The following RXRA variants were observed in gnomAD, a reference collection of about 807,000 sequenced individuals.
RXRA encodes the protein retinoid X receptor alpha.
Under a neutral mutation model 44.5 loss-of-function variants are expected in RXRA, and 5 were observed. That is an observed-to-expected ratio of 0.11 (90% CI 0.06 to 0.24). RXRA has a LOEUF of 0.24. RXRA is among the 10% of genes least tolerant of loss of function. RXRA has a pLI of 1.00. For missense variants in RXRA, 412 were observed against 646.5 expected (o/e 0.64, Z 3.93); for synonymous variants, 291 against 271.4 (o/e 1.07, Z -0.71).
rs1013757422 is a variant in RXRA at position 134,356,844 on chromosome 9, TG to T, written c.28+30186del. Among the ~76,000 whole-genome samples, 3 of 152,180 alleles carry T rather than the reference TG, an allele frequency of 2.0e-5. 1 individual carries two copies. The highest frequency in any genetic ancestry group is 7.2e-5 in the African/African-American group (3 of 41,446). Reference sequence around the variant, plus strand: ...CCCCTGCCCTGCCCCAGCCTCACCCTGCCTGAGGCCCTGCTCAGCCACCACC... The same window carrying T: ...CCCCTGCCCTGCCCCAGCCTCACCCTCCTGAGGCCCTGCTCAGCCACCACC... On this transcript the variant is annotated intron_variant, in intron 1 of 9. Coordinates refer to ENST00000481739, the MANE Select transcript of RXRA (RefSeq NM_002957.6).
chr9:134,399,034 T>C (rs2119136650), intron 1 of RXRA, among the ~76,000 whole-genome samples: 1 of 152,390 alleles, frequency 6.6e-6, no homozygotes, highest in Non-Finnish European at 1.5e-5. Flanking sequence ...CCAGCCCTGG[T>C]CCAGGCTCAG....
At chr9:134,332,168 G>A (rs916884790) in intron 1 of RXRA, among the ~76,000 whole-genome samples, 12 of 152,248 alleles carry the variant, frequency 7.9e-5, no homozygotes, top group Non-Finnish European at 5.9e-5. Context: ...GTGGAAAGCT[G>A]TAGTTGGGTG....
chr9:134,422,046 C>T, intron 6 of RXRA: 1 of 1,350,590 alleles, frequency 7.4e-7, no homozygotes, highest in Non-Finnish European at 9.8e-7. Context: ...TCCCATCTCC[C>T]AGGACGCTCC....
rs1831108132 is a variant in RXRA, at chr9:134,409,241, G to C, written c.610+122G>C. 7 of 1,031,948 alleles carry C rather than the reference G, an allele frequency of 6.8e-6. No homozygotes were observed. In the East Asian group the frequency reaches 1.8e-4, roughly 27 times the overall value. 63.9% of individuals were successfully genotyped at this position (1,031,948 alleles called of 1,614,324 possible). ...AGTGGCCTGGACAGAAGCATGGCAA[G>C]GCCAAGGCAGGAGTGGGGGCGGGGC... On this transcript the variant is annotated intron_variant, in intron 4 of 9. Transcript: ENST00000481739.
intron 1 of RXRA, among the ~76,000 whole-genome samples, chr9:134,359,601 GA>G (rs1464515003): frequency 1.3e-5 from 2 of 152,180 alleles, no homozygotes; most frequent in African/African-American, 4.8e-5. Flanking sequence ...GACCTCCGGG[GA>G]GGGGTGTGAC....
chr9:134,418,203 A>G (rs567730904), intron 5 of RXRA, among the ~76,000 whole-genome samples: 84 of 152,158 alleles, frequency 5.5e-4, no homozygotes, highest in African/African-American at 2.0e-3. Flanking sequence ...CACCTGTCCC[A>G]GGCCCCACTG....
chr9:134,329,165 A>C (rs1452396178), intron 1 of RXRA, among the ~76,000 whole-genome samples: 4 of 151,912 alleles, frequency 2.6e-5, no homozygotes, highest in African/African-American at 9.7e-5. Context: ...CCCGCTGACC[A>C]CTCTTGGAGT....
chr9:134,405,120 G>A (rs1815474831), intron 2 of RXRA: 1 of 152,286 alleles, frequency 6.6e-6, no homozygotes, highest in South Asian at 2.1e-4. Flanking sequence ...GACAGACCAA[G>A]GCAGACCCCC....
intron 6 of RXRA, among the ~76,000 whole-genome samples, chr9:134,428,406 C>T (rs1831472247): frequency 7.3e-6 from 1 of 136,388 alleles, no homozygotes; most frequent in Non-Finnish European, 1.6e-5. Flanking sequence ...GCTGCTGTTA[C>T]CTAACCACCC....
intron 1 of RXRA, among the ~76,000 whole-genome samples, chr9:134,390,048 C>G (rs1296265680): frequency 5.9e-5 from 9 of 152,202 alleles, no homozygotes; most frequent in African/African-American, 2.2e-4. Flanking sequence ...TGGGTCAGAG[C>G]CTTGATGAGG....
At chr9:134,367,573 C>T (rs1830430230) in intron 1 of RXRA, among the ~76,000 whole-genome samples, 1 of 152,258 alleles carries the variant, frequency 6.6e-6, no homozygotes, top group Admixed American at 6.5e-5. Context: ...AAACCCCCGG[C>T]TCCTGGCCCC....
chr9:134,432,593 C>T (rs941421461), intron 8 of RXRA, among the ~76,000 whole-genome samples: 3 of 152,372 alleles, frequency 2.0e-5, no homozygotes, highest in East Asian at 3.9e-4. Flanking sequence ...ACTCCTTCGC[C>T]CAACAAGTGC....
At chr9:134,332,279 C>T (rs1450929864) in intron 1 of RXRA, among the ~76,000 whole-genome samples, 2 of 152,100 alleles carry the variant, frequency 1.3e-5, no homozygotes, top group South Asian at 2.1e-4. Flanking sequence ...GGGGAGTGGA[C>T]GGAGTGAGAT....
intron 1 of RXRA, among the ~76,000 whole-genome samples, chr9:134,387,569 G>A (rs1830738223): frequency 1.3e-5 from 2 of 152,238 alleles, no homozygotes; most frequent in African/African-American, 4.8e-5. Context: ...GCTGTGCCGG[G>A]CAGTCTCTGG....
At chr9:134,369,202 G>A (rs1460886760) in intron 1 of RXRA, among the ~76,000 whole-genome samples, 1 of 65,628 alleles carries the variant, frequency 1.5e-5, no homozygotes, top group Admixed American at 1.7e-4. Context: ...GTGTGTGTGT[G>A]GGGTTATGTG....
chr9:134,369,892 G>A (rs1040215729), intron 1 of RXRA, among the ~76,000 whole-genome samples: 1 of 152,174 alleles, frequency 6.6e-6, no homozygotes, highest in Admixed American at 6.5e-5. Context: ...CCGTGTGTGC[G>A]GGTGCATGAG....
At chr9:134,341,112 G>A (rs1830080306) in intron 1 of RXRA, among the ~76,000 whole-genome samples, 1 of 152,234 alleles carries the variant, frequency 6.6e-6, no homozygotes, top group South Asian at 2.1e-4. Flanking sequence ...GACAGGGAGA[G>A]GTGGGTGGCT....
At chr9:134,346,879 ACC>A (rs1830159582) in intron 1 of RXRA, among the ~76,000 whole-genome samples, 1 of 151,930 alleles carries the variant, frequency 6.6e-6, no homozygotes, top group Non-Finnish European at 1.5e-5. Context: ...ACTGGCTGGG[ACC>A]CCACCAGCGC....
chr9:134,352,277 G>A (rs546148832), intron 1 of RXRA, among the ~76,000 whole-genome samples: 16 of 152,192 alleles, frequency 1.1e-4, no homozygotes, highest in Middle Eastern at 6.8e-3. Context: ...CTTGGAGGGC[G>A]AGGGGAGGGG....
Sources: gnomAD v4.1 joint callset for allele counts (sites outside exome capture counted in the v4.1 genomes callset) on GRCh38, gnomAD v4.1.1 for gene constraint, MANE v1.5 for transcripts, NCBI Gene and HGNC (gene_info 2026-07-23, HGNC 2026-07-21) for gene names.